The following RNFT2 variants were observed in gnomAD, a reference collection of about 807,000 sequenced individuals.
RNFT2 encodes the protein ring finger protein, transmembrane 2.
In RNFT2, 36 loss-of-function variants were observed where a neutral mutation model predicts 53.0. The observed-to-expected ratio is 0.68, with a 90% CI of 0.52 to 0.90. The LOEUF (loss-of-function observed/expected upper bound fraction) is 0.90, where lower values mean the gene tolerates loss of function less well. RNFT2 is among the 40% of genes least tolerant of loss of function. RNFT2 has a pLI of 0.00. For missense variants in RNFT2, 514 were observed against 585.6 expected (o/e 0.88, Z 1.26); for synonymous variants, 260 against 253.2 (o/e 1.03, Z -0.26).
In RNFT2 at chr12:116,852,702, C is replaced by T; in HGVS notation, c.*3254C>T. On this transcript the variant is annotated 3_prime_UTR_variant, in exon 11 of 11. Coordinates refer to ENST00000257575, the MANE Select transcript of RNFT2 (RefSeq NM_001382266.1). ...GAGCTGGAGAAGATTGATGAAAGTG[C>T]AGGTGTGTAAGGAAATAGAACAGTC... 1 of 1,613,808 alleles carries T rather than the reference C, an allele frequency of 6.2e-7. No individual in the cohort carries two copies. The highest frequency in any genetic ancestry group is 8.5e-7 in the Non-Finnish European group (1 of 1,179,708).
intron 5 of RNFT2, among the ~76,000 whole-genome samples, chr12:116,765,038 G>A (rs944783186): frequency 3.9e-5 from 6 of 152,300 alleles, no homozygotes; most frequent in African/African-American, 9.6e-5. Flanking sequence ...GGTCCTTGAT[G>A]CTCATGAAGA....
intron 7 of RNFT2, among the ~76,000 whole-genome samples, chr12:116,813,807 G>C (rs1875504485): frequency 6.6e-6 from 1 of 152,212 alleles, no homozygotes; most frequent in African/African-American, 2.4e-5. Context: ...GGGTCTACCA[G>C]ACTTGGAGTC....
chr12:116,792,301 C>T (rs1396146310), intron 7 of RNFT2, among the ~76,000 whole-genome samples: 7 of 152,138 alleles, frequency 4.6e-5, no homozygotes, highest in Non-Finnish European at 8.8e-5. Context: ...CTGCCCACCT[C>T]GGCCTCCCAA....
At chr12:116,817,381 C>T (rs186593871) in intron 7 of RNFT2, among the ~76,000 whole-genome samples, 1 of 152,168 alleles carries the variant, frequency 6.6e-6, no homozygotes, top group African/African-American at 2.4e-5. Context: ...AACTCCTGGC[C>T]TCTAGCAATC....
At chr12:116,789,767 G>C (rs569999607) in intron 7 of RNFT2, among the ~76,000 whole-genome samples, 122 of 148,906 alleles carry the variant, frequency 8.2e-4, no homozygotes, top group African/African-American at 2.8e-3. Flanking sequence ...GAGGAGAGTG[G>C]ATGGATGGAT....
At chr12:116,814,732 G>A (rs1049345084) in intron 7 of RNFT2, among the ~76,000 whole-genome samples, 7 of 151,658 alleles carry the variant, frequency 4.6e-5, no homozygotes, top group Non-Finnish European at 8.8e-5. Flanking sequence ...GCTGGAGTGT[G>A]CAGTGGTGCA....
intron 6 of RNFT2, 76 bp from the exon 7 acceptor site, chr12:116,779,119 G>C: frequency 6.7e-7 from 1 of 1,483,206 alleles, no homozygotes; most frequent in Non-Finnish European, 9.3e-7. Context: ...TACTTAGAAG[G>C]CTCCTGAGTG....
intron 3 of RNFT2, among the ~76,000 whole-genome samples, chr12:116,742,186 G>A (rs2137060637): frequency 6.6e-6 from 1 of 151,730 alleles, no homozygotes; most frequent in East Asian, 1.9e-4. Flanking sequence ...CTGGGGGAAA[G>A]AAAGGCAAGG....
chr12:116,814,311 T>A (rs1364664659), intron 7 of RNFT2, among the ~76,000 whole-genome samples: 1 of 152,040 alleles, frequency 6.6e-6, no homozygotes, highest in Non-Finnish European at 1.5e-5. Context: ...GGGACTTAGA[T>A]AAAAAGATGC....
chr12:116,773,633 C>T (rs1002733638), intron 6 of RNFT2, among the ~76,000 whole-genome samples: 1 of 152,148 alleles, frequency 6.6e-6, no homozygotes, highest in African/African-American at 2.4e-5. Flanking sequence ...GTGGTGAGCA[C>T]ATCTCAGAAT....
At chr12:116,790,139 T>A (rs1874167911) in intron 7 of RNFT2, among the ~76,000 whole-genome samples, 1 of 152,202 alleles carries the variant, frequency 6.6e-6, no homozygotes, top group Admixed American at 6.5e-5. Flanking sequence ...ATAAGCAAAG[T>A]AGCACTCACT....
At chr12:116,783,017 C>T (rs1873782229) in intron 7 of RNFT2, among the ~76,000 whole-genome samples, 1 of 152,202 alleles carries the variant, frequency 6.6e-6, no homozygotes, top group African/African-American at 2.4e-5. Context: ...ATATTCAGGG[C>T]TGGCCTGGCT....
intron 7 of RNFT2, among the ~76,000 whole-genome samples, chr12:116,828,772 G>A (rs2137194014): frequency 6.6e-6 from 1 of 152,154 alleles, no homozygotes; most frequent in East Asian, 1.9e-4. Context: ...ATACAGATGG[G>A]TGGAAGAAAG....
At chr12:116,750,871 A>AC (rs1254121746) in intron 4 of RNFT2, among the ~76,000 whole-genome samples, 1 of 3,350 alleles carries the variant, frequency 3.0e-4, no homozygotes, top group African/African-American at 9.6e-4. Context: ...ATATATATAT[A>AC]ATATATATAT....
chr12:116,771,180 T>G (rs7313399), intron 6 of RNFT2, among the ~76,000 whole-genome samples: 144,760 of 152,138 alleles, frequency 0.95, 68,923 homozygotes, highest in African/African-American at 0.98. Context: ...ATGTGGATAG[T>G]CCAGGTGCGT....
chr12:116,828,474 TC>T (rs1272255952), intron 7 of RNFT2, among the ~76,000 whole-genome samples: 4 of 152,294 alleles, frequency 2.6e-5, no homozygotes, highest in Non-Finnish European at 5.9e-5. Flanking sequence ...CCACTCACAT[TC>T]ACCTCTAGCA....
chr12:116,781,395 TTAG>T (rs1213877488), intron 7 of RNFT2, among the ~76,000 whole-genome samples: 9 of 152,174 alleles, frequency 5.9e-5, no homozygotes, highest in African/African-American at 2.2e-4. Flanking sequence ...CCCCAGCATG[TTAG>T]TCTCCTGTGG....
intron 6 of RNFT2, among the ~76,000 whole-genome samples, chr12:116,776,854 C>T (rs906385210): frequency 1.3e-5 from 2 of 151,410 alleles, no homozygotes; most frequent in African/African-American, 4.9e-5. Context: ...ACATTCAACC[C>T]GAGATGCTGC....
chr12:116,744,084 AGTGT>A (rs1183689798), intron 3 of RNFT2, among the ~76,000 whole-genome samples: 7 of 152,030 alleles, frequency 4.6e-5, no homozygotes, highest in Non-Finnish European at 8.8e-5. Flanking sequence ...AAAATTAGCC[AGTGT>A]GGTGGCAGAT....
Sources: gnomAD v4.1 joint callset for allele counts (sites outside exome capture counted in the v4.1 genomes callset) on GRCh38, gnomAD v4.1.1 for gene constraint, MANE v1.5 for transcripts, NCBI Gene and HGNC (gene_info 2026-07-23, HGNC 2026-07-21) for gene names.